The following TFDP2 variants were observed in gnomAD, a reference collection of about 807,000 sequenced individuals.
TFDP2 encodes the protein transcription factor Dp-2 (E2F dimerization partner 2).
A neutral mutation model predicts 59.3 loss-of-function variants in TFDP2; 17 were observed. The observed-to-expected ratio is 0.29, with a 90% CI of 0.20 to 0.43. The LOEUF is 0.43. TFDP2 is among the 20% of genes least tolerant of loss of function. The pLI, the probability that TFDP2 is intolerant of heterozygous loss-of-function variation, is 1.00. For missense variants in TFDP2, 391 were observed against 528.8 expected (o/e 0.74, Z 2.56); for synonymous variants, 180 against 194.7 (o/e 0.92, Z 0.63).
intron 3 of TFDP2, among the ~76,000 whole-genome samples, chr3:142,031,784 AACAG>A (rs1358552177): frequency 6.6e-6 from 1 of 152,214 alleles, no homozygotes; most frequent in Non-Finnish European, 1.5e-5. Context: ...AAGCCCATTT[AACAG>A]ACACATTTAT....
At chr3:141,968,221 C>A (rs1238852328) in intron 9 of TFDP2, among the ~76,000 whole-genome samples, 1 of 138,800 alleles carries the variant, frequency 7.2e-6, no homozygotes, top group Non-Finnish European at 1.5e-5. Context: ...GCACAATATT[C>A]TCTTCAAACA....
At chr3:141,962,701 G>A (rs1024529094) in intron 10 of TFDP2, among the ~76,000 whole-genome samples, 4 of 152,128 alleles carry the variant, frequency 2.6e-5, no homozygotes, top group African/African-American at 9.7e-5. Context: ...GGAGTGGCCC[G>A]GAATCTCTGG....
chr3:142,000,055 TA>T (rs1463743758), intron 4 of TFDP2, among the ~76,000 whole-genome samples: 9 of 152,152 alleles, frequency 5.9e-5, no homozygotes, highest in African/African-American at 2.2e-4. Flanking sequence ...ATTCTTTAAC[TA>T]AACAAAAACT....
intron 8 of TFDP2, among the ~76,000 whole-genome samples, chr3:141,973,115 ATATATATATTT>A (rs1022585278): frequency 1.1e-5 from 1 of 91,922 alleles, no homozygotes; most frequent in African/African-American, 4.0e-5. Context: ...ATATATATAT[ATATATATATTT>A]TTTTTTTTTA....
chr3:142,051,404 TG>T (rs1191369059), intron 3 of TFDP2, among the ~76,000 whole-genome samples: 3 of 152,076 alleles, frequency 2.0e-5, no homozygotes, highest in Admixed American at 6.6e-5. Flanking sequence ...CTGGGCGTGG[TG>T]GTGTGCACCT....
intron 3 of TFDP2, among the ~76,000 whole-genome samples, chr3:142,032,086 TTCTC>T (rs934948006): frequency 2.0e-5 from 3 of 150,810 alleles, no homozygotes; most frequent in Admixed American, 6.6e-5. Flanking sequence ...CTTTTTTTCT[TTCTC>T]TCTCTCTCTC....
At chr3:142,113,454 G>A (rs919170541) in intron 1 of TFDP2, among the ~76,000 whole-genome samples, 1 of 151,974 alleles carries the variant, frequency 6.6e-6, no homozygotes. Context: ...TAGAGACGGG[G>A]TTCCACCATG....
chr3:141,962,442 C>T (rs994911411), intron 10 of TFDP2, among the ~76,000 whole-genome samples: 1 of 151,160 alleles, frequency 6.6e-6, no homozygotes, highest in African/African-American at 2.4e-5. Flanking sequence ...CACTGCAACC[C>T]CTGCCTCCCA....
At chr3:142,087,217 G>T (rs1260809452) in intron 3 of TFDP2, among the ~76,000 whole-genome samples, 1 of 152,124 alleles carries the variant, frequency 6.6e-6, no homozygotes, top group Non-Finnish European at 1.5e-5. Context: ...CTGGCAATGG[G>T]GATAAGTTCT....
intron 1 of TFDP2, among the ~76,000 whole-genome samples, chr3:142,126,945 C>CAAA (rs780512383): frequency 1.8e-5 from 1 of 55,442 alleles, no homozygotes; most frequent in Non-Finnish European, 3.8e-5. Flanking sequence ...GACCTTGTCT[C>CAAA]AAAAAAAAAA....
chr3:141,961,035 G>C (rs187306572), intron 10 of TFDP2, among the ~76,000 whole-genome samples: 1 of 152,098 alleles, frequency 6.6e-6, no homozygotes, highest in Non-Finnish European at 1.5e-5. Flanking sequence ...CAGCCTGGGG[G>C]AACAGTGTCC....
intron 3 of TFDP2, among the ~76,000 whole-genome samples, chr3:142,088,238 T>G (rs1007397683): frequency 2.0e-5 from 3 of 152,236 alleles, no homozygotes; most frequent in African/African-American, 7.2e-5. Context: ...AAACAATCTT[T>G]ATATGTGTCT....
intron 7 of TFDP2, 107 bp downstream of exon 7, chr3:141,978,413 G>A: frequency 1.7e-6 from 2 of 1,143,110 alleles, no homozygotes; most frequent in South Asian, 2.1e-5. Context: ...CCAAAATAAA[G>A]GATAAAACCC....
At chr3:141,994,970 G>A (rs370212186) in intron 5 of TFDP2, 50 bp downstream of exon 5, 61 of 1,449,552 alleles carry the variant, frequency 4.2e-5, no homozygotes, top group Non-Finnish European at 5.6e-5. Context: ...AGAAAAAAAT[G>A]TCTAAACTTT....
intron 1 of TFDP2, among the ~76,000 whole-genome samples, chr3:142,140,843 G>A (rs1019502972): frequency 6.6e-6 from 1 of 152,182 alleles, no homozygotes; most frequent in Non-Finnish European, 1.5e-5. Flanking sequence ...CGGGTGTCAG[G>A]GACCCCTTGA....
intron 3 of TFDP2, among the ~76,000 whole-genome samples, chr3:142,077,272 T>C (rs940722737): frequency 6.6e-6 from 1 of 152,128 alleles, no homozygotes; most frequent in African/African-American, 2.4e-5. Flanking sequence ...CTACAACTCT[T>C]CAGCAAGTCC....
intron 11 of TFDP2, among the ~76,000 whole-genome samples, chr3:141,954,270 G>A (rs1241278707): frequency 6.6e-6 from 1 of 152,128 alleles, no homozygotes; most frequent in East Asian, 1.9e-4. Context: ...AATTCTTATT[G>A]TAATTTTACT....
In TFDP2 at chr3:141,979,778, G is replaced by A. The variant is rs1447488274; in HGVS notation, c.357-1096C>T. ...TAATTTTTGTACTTTTAGTAGAGAC[G>A]GGGTTTCATCATGTTGGCCAGGCTG... On this transcript the variant is annotated intron_variant, in intron 6 of 12. Transcript: ENST00000489671. Among the ~76,000 whole-genome samples, 7 of 152,166 alleles carry A rather than the reference G, an allele frequency of 4.6e-5. No homozygotes were observed. The East Asian group carries it at 7.7e-4, about 17-fold the overall frequency.
chr3:142,147,058 CAAAAAAAAAAA>C (rs3070389), intron 1 of TFDP2, among the ~76,000 whole-genome samples: 2 of 105,116 alleles, frequency 1.9e-5, no homozygotes, highest in African/African-American at 6.3e-5. Context: ...AACCCTGTCT[CAAAAAAAAAAA>C]AAAAAAGAAT....
Sources: allele counts gnomAD v4.1 joint callset (sites outside exome capture counted in the v4.1 genomes callset), GRCh38; gene constraint gnomAD v4.1.1; transcripts MANE v1.5; gene names NCBI Gene and HGNC (gene_info 2026-07-23, HGNC 2026-07-21).